Variants in SVOP observed in about 807,000 individuals in gnomAD.
SVOP encodes synaptic vesicle 2-related protein.
A neutral mutation model predicts 69.1 loss-of-function variants in SVOP; 17 were observed. The observed-to-expected ratio is 0.25, with a 90% CI of 0.17 to 0.37. The LOEUF is 0.37. Ranked by LOEUF, SVOP falls within the 10% of genes least tolerant of loss-of-function variation. The pLI is 1.00. For missense variants in SVOP, 435 were observed against 597.5 expected (o/e 0.73, Z 2.84); for synonymous variants, 238 against 238.6 (o/e 1.00, Z 0.02).
chr12:108,940,118 A>G (rs963787943), intron 8 of SVOP, among the ~76,000 whole-genome samples: 1 of 152,168 alleles, frequency 6.6e-6, no homozygotes, highest in African/African-American at 2.4e-5. Context: ...TCCTGTGATT[A>G]TTGGGAGGAA....
At chr12:108,993,936 G>C (rs889877376) in intron 1 of SVOP, among the ~76,000 whole-genome samples, 4 of 152,200 alleles carry the variant, frequency 2.6e-5, no homozygotes, top group Non-Finnish European at 4.4e-5. Flanking sequence ...CAGTACCCTT[G>C]ACTCTGAGGA....
At position 108,966,521 on chromosome 12, in the gene SVOP, GT is replaced by G. The variant is rs199872312; in HGVS notation, c.454-5475del. ...GGGCAGATCAAGGAGGTTCTCGGTG[GT>G]TGCCAAGGCTTGCCAGCTGCCTGGC... On this transcript the variant is annotated intron_variant, in intron 5 of 15. Transcript: ENST00000610966. 9.3e-3 allele frequency among the ~76,000 whole-genome samples: 1,421 copies of G among 152,230 alleles called. 22 individuals are homozygous for G. Among genetic ancestry groups the G allele is most frequent in the African/African-American group, 0.032 (1,333 of 41,508 alleles).
chr12:108,935,103 G>A (rs1433775803), intron 10 of SVOP, among the ~76,000 whole-genome samples: 4 of 152,134 alleles, frequency 2.6e-5, no homozygotes, highest in African/African-American at 9.7e-5. Flanking sequence ...TACCCAACTG[G>A]CAATAGGGGA....
intron 1 of SVOP, 131 bp downstream of exon 1, chr12:109,020,703 T>C: frequency 2.0e-6 from 1 of 500,066 alleles, no homozygotes; most frequent in Non-Finnish European, 3.7e-6. Flanking sequence ...AGGCCCTAAT[T>C]CCTTCCTCTG....
At chr12:108,993,881 T>G (rs898921849) in intron 1 of SVOP, among the ~76,000 whole-genome samples, 46 of 152,290 alleles carry the variant, frequency 3.0e-4, no homozygotes, top group Non-Finnish European at 5.6e-4. Context: ...AACGTTTGCG[T>G]GCATTCTCAA....
chr12:108,960,817 C>T, intron 6 of SVOP, 106 bp downstream of exon 6: 4 of 1,387,020 alleles, frequency 2.9e-6, no homozygotes, highest in Non-Finnish European at 3.8e-6. Flanking sequence ...ATAGCTATCT[C>T]TGCACCCCTG....
At chr12:108,982,796 A>T (rs1227610850) in intron 2 of SVOP, among the ~76,000 whole-genome samples, 2 of 145,138 alleles carry the variant, frequency 1.4e-5, no homozygotes, top group Non-Finnish European at 3.0e-5. Context: ...CACTATCATC[A>T]TCATCACCAT....
At chr12:108,915,739 GT>G in intron 15 of SVOP, 43 bp downstream of exon 15, 1 of 1,555,428 alleles carries the variant, frequency 6.4e-7, no homozygotes, top group Non-Finnish European at 8.7e-7. Flanking sequence ...CATGCATGGG[GT>G]TTTGTCACCC....
intron 7 of SVOP, 88 bp from the exon 8 acceptor site, chr12:108,940,997 T>G: frequency 6.1e-5 from 89 of 1,463,498 alleles, no homozygotes; most frequent in Non-Finnish European, 7.3e-5. Context: ...AGGGTATCTC[T>G]GTGGGTAAGG....
chr12:108,953,145 TTTTTTTTC>T (rs1348112258), intron 6 of SVOP, among the ~76,000 whole-genome samples: 1 of 129,546 alleles, frequency 7.7e-6, no homozygotes, highest in Admixed American at 7.9e-5. Context: ...ACTTTTTTTT[TTTTTTTTC>T]TTTTTTTTTT....
At chr12:108,927,939 A>C (rs1486530611) in intron 11 of SVOP, among the ~76,000 whole-genome samples, 1 of 144,546 alleles carries the variant, frequency 6.9e-6, no homozygotes, top group Non-Finnish European at 1.5e-5. Context: ...AGAGTCTCAT[A>C]CCATCGCCCA....
chr12:108,984,182 G>A (rs916368722), intron 1 of SVOP, among the ~76,000 whole-genome samples: 3 of 152,106 alleles, frequency 2.0e-5, no homozygotes, highest in Admixed American at 1.3e-4. Context: ...AGTTTAAAGT[G>A]GATGCCATTT....
chr12:109,013,908 T>C (rs889100401), intron 1 of SVOP, among the ~76,000 whole-genome samples: 1 of 152,166 alleles, frequency 6.6e-6, no homozygotes, highest in Non-Finnish European at 1.5e-5. Context: ...TTGACTGCTC[T>C]AGGCACCTCA....
At chr12:109,009,359 G>C (rs540673497) in intron 1 of SVOP, among the ~76,000 whole-genome samples, 25 of 152,220 alleles carry the variant, frequency 1.6e-4, no homozygotes, top group African/African-American at 4.8e-4. Flanking sequence ...ATGGAACTTA[G>C]AGCCTTTTAC....
intron 1 of SVOP, among the ~76,000 whole-genome samples, chr12:109,018,282 C>T (rs1309521355): frequency 6.6e-6 from 1 of 152,174 alleles, no homozygotes; most frequent in African/African-American, 2.4e-5. Flanking sequence ...GTGGTGCTGT[C>T]CCAGAGTGGA....
intron 4 of SVOP, among the ~76,000 whole-genome samples, chr12:108,973,820 A>G (rs145456997): frequency 0.84 from 128,510 of 152,156 alleles, 54,496 homozygotes; most frequent in East Asian, 1. Flanking sequence ...TCTCAGCCAC[A>G]CCTCTCTAGG....
intron 15 of SVOP, among the ~76,000 whole-genome samples, chr12:108,915,024 T>G (rs2039705024): frequency 6.6e-6 from 1 of 151,190 alleles, no homozygotes; most frequent in Non-Finnish European, 1.5e-5. Flanking sequence ...AATACAGAAA[T>G]TAGCCAGGCG....
Position 108,961,330 on chromosome 12 carries a change from A to C in SVOP, c.454-283T>G, listed in dbSNP as rs550479238. Among the ~76,000 whole-genome samples, 4 of 152,136 alleles carry C rather than the reference A, an allele frequency of 2.6e-5. No individual in the cohort carries two copies. In the South Asian group the frequency reaches 8.3e-4, roughly 32 times the overall value. ...GACAAAATAGATTGTCCTGCATCTC[A>C]TACCATCTCAAATGTTCTGCCCGAC... On this transcript the variant is annotated intron_variant, in intron 5 of 15. Transcript: ENST00000610966.
chr12:108,949,701 C>CTT (rs375186844), intron 6 of SVOP, among the ~76,000 whole-genome samples: 4 of 147,796 alleles, frequency 2.7e-5, no homozygotes, highest in African/African-American at 9.9e-5. Flanking sequence ...TTCTTTCCTT[C>CTT]TTTTTTTTTT....
Sources: allele counts gnomAD v4.1 joint callset (sites outside exome capture counted in the v4.1 genomes callset), GRCh38; gene constraint gnomAD v4.1.1; transcripts MANE v1.5; gene names NCBI Gene and HGNC (gene_info 2026-07-23, HGNC 2026-07-21).